NRIP1: variants seen among roughly 807,000 people sequenced by gnomAD.
The protein encoded by NRIP1 is nuclear receptor interacting protein 1, also known as nuclear receptor-interacting protein 1.
Under a neutral mutation model 75.0 loss-of-function variants are expected in NRIP1, and 28 were observed. The observed-to-expected ratio is 0.37, with a 90% CI of 0.28 to 0.51. NRIP1 has a LOEUF of 0.51. Ranked by LOEUF, NRIP1 falls within the 20% of genes least tolerant of loss-of-function variation. NRIP1 has a pLI of 0.92. For synonymous variants in NRIP1, 526 were observed against 487.6 expected, an observed-to-expected ratio of 1.08 and a Z score of -1.04; for missense variants, 1,435 against 1,343.7, an observed-to-expected ratio of 1.07 and a Z score of -1.06.
intron 3 of NRIP1, among the ~76,000 whole-genome samples, chr21:15,005,999 C>T (rs2087963209): frequency 6.6e-6 from 1 of 151,864 alleles, no homozygotes; most frequent in African/African-American, 2.4e-5. Context: ...ATATTTCCAT[C>T]AATATTTATC....
intron 3 of NRIP1, among the ~76,000 whole-genome samples, chr21:15,013,212 A>G (rs2088151593): frequency 6.6e-6 from 1 of 152,244 alleles, no homozygotes; most frequent in African/African-American, 2.4e-5. Flanking sequence ...CCAAATAATT[A>G]TTAGTAATTT....
intron 3 of NRIP1, chr21:14,971,604 T>C (rs529378053): frequency 6.6e-6 from 1 of 150,790 alleles, no homozygotes; most frequent in Admixed American, 6.6e-5. Context: ...AGAACATCTC[T>C]AATAATAAAA....
intron 3 of NRIP1, among the ~76,000 whole-genome samples, chr21:14,996,321 C>G (rs2087722397): frequency 6.6e-6 from 1 of 152,116 alleles, no homozygotes. Context: ...GACAGTACAG[C>G]TCTCCAGCTA....
At chr21:15,063,627 T>C (rs147366206) in intron 1 of NRIP1, among the ~76,000 whole-genome samples, 133 of 152,316 alleles carry the variant, frequency 8.7e-4, no homozygotes, top group African/African-American at 2.9e-3. Context: ...CACCTACAGA[T>C]GGCTTCTCTT....
At chr21:14,996,696 G>A (rs1337556057) in intron 3 of NRIP1, among the ~76,000 whole-genome samples, 1 of 151,910 alleles carries the variant, frequency 6.6e-6, no homozygotes, top group Non-Finnish European at 1.5e-5. Context: ...CTTTTATTCT[G>A]TTCACCATGG....
chr21:15,055,822 T>G (rs968173609), intron 1 of NRIP1, among the ~76,000 whole-genome samples: 10 of 152,116 alleles, frequency 6.6e-5, no homozygotes, highest in Non-Finnish European at 1.5e-4. Flanking sequence ...AATTTCTTCC[T>G]CCGTAAAATG....
chr21:14,994,735 C>A (rs2087673694), intron 3 of NRIP1, among the ~76,000 whole-genome samples: 1 of 152,060 alleles, frequency 6.6e-6, no homozygotes, highest in Non-Finnish European at 1.5e-5. Context: ...AGAGAACCAG[C>A]CTTAAAGTCA....
intron 3 of NRIP1, among the ~76,000 whole-genome samples, chr21:14,985,083 G>A (rs2087357538): frequency 1.3e-5 from 2 of 152,198 alleles, no homozygotes; most frequent in South Asian, 2.1e-4. Context: ...GTATGCTTGT[G>A]TTTTGGTTCG....
rs2229743 is a variant in NRIP1, at chr21:14,967,495, G to C, written c.698C>G (p.Pro233Arg). The change falls in exon 4 of 4, where the codon CCG (proline) becomes CGG (arginine). Residue 233 changes from proline (P) to arginine (R), a missense_variant. Physicochemically the swap from Pro to Arg is moderately radical, Grantham distance 103 (BLOSUM62 -2). Coordinates refer to ENST00000318948, the MANE Select transcript of NRIP1 (RefSeq NM_003489.4). ...GQSGTKVMSEPLSCAARLQAV... is the reference protein window; with the variant it reads ...GQSGTKVMSERLSCAARLQAV... ...CTGTAATCTTGCAGCACATGACAAC[G>C]GTTCACTCATGACCTTTGTTCCACT... 2 of 1,613,950 alleles carry C rather than the reference G, an allele frequency of 1.2e-6. No homozygotes were observed. The highest frequency in any genetic ancestry group is 2.7e-5 in the African/African-American group (2 of 74,898).
intron 3 of NRIP1, chr21:14,974,250 C>T (rs2086987527): frequency 6.6e-6 from 1 of 152,086 alleles, no homozygotes; most frequent in South Asian, 2.1e-4. Context: ...CGCTTTGAAA[C>T]TGACAGCTCA....
intron 3 of NRIP1, among the ~76,000 whole-genome samples, chr21:14,976,777 A>G (rs1407223546): frequency 6.6e-6 from 1 of 152,206 alleles, no homozygotes; most frequent in Non-Finnish European, 1.5e-5. Flanking sequence ...ATAGAGAAAT[A>G]ATGACAACGG....
chr21:15,032,496 C>G, intron 2 of NRIP1, among the ~76,000 whole-genome samples: 1 of 148,614 alleles, frequency 6.7e-6, no homozygotes, highest in African/African-American at 2.5e-5. Flanking sequence ...AATGATGGCT[C>G]TAAAAAAAAA....
At position 14,965,390 on chromosome 21, in the gene NRIP1, C is replaced by T. The variant is rs2086704542; in HGVS notation, c.2803G>A (p.Val935Ile). Residue 935 changes from valine (V) to isoleucine (I), a missense_variant, in exon 4 of 4, where the codon GTT (valine) becomes ATT (isoleucine). Transcript: ENST00000318948. ...TCTGAGAGAAGCAGCTGTTTCAGAACATTAAAGCTTTTGCTCTCTCTGGCC... is the reference window on the plus strand; with the variant it reads ...TCTGAGAGAAGCAGCTGTTTCAGAATATTAAAGCTTTTGCTCTCTCTGGCC... ...SWARESKSFN[V>I]LKQLLLSENC... is the part of the protein sequence containing the mutation. 5 of 1,613,898 alleles carry T rather than the reference C, an allele frequency of 3.1e-6. No homozygotes were observed. Among genetic ancestry groups the T allele is most frequent in the South Asian group, 1.1e-5 (1 of 91,080 alleles).
rs759330323 is a variant in NRIP1, at chr21:14,966,330, G to A, written c.1863C>T (p.Asn621=). The change falls in exon 4 of 4, where the codon AAC becomes AAT. Residue 621 remains asparagine (N), a synonymous_variant. Transcript: ENST00000318948. ...GCTTACTGGCACTAAACGTTGCAGA[G>A]TTCTGTGCACCTTCATTTTGGGCTG... ...EKPAQNEGAQ[N]SATFSASKLL... 6.2e-7 allele frequency: 1 copy of A among 1,614,092 alleles called. No individual in the cohort carries two copies. Among genetic ancestry groups the A allele is most frequent in the Non-Finnish European group, 8.5e-7 (1 of 1,179,970 alleles).
At chr21:15,028,837 T>C (rs942390496) in intron 2 of NRIP1, among the ~76,000 whole-genome samples, 3 of 152,174 alleles carry the variant, frequency 2.0e-5, no homozygotes, top group Non-Finnish European at 4.4e-5. Flanking sequence ...AAAATATACA[T>C]TGGTCCAAAA....
chr21:14,994,878 ACAAGTT>A, intron 3 of NRIP1, among the ~76,000 whole-genome samples: 1 of 152,234 alleles, frequency 6.6e-6, no homozygotes, highest in African/African-American at 2.4e-5. Context: ...TAAGTACTCA[ACAAGTT>A]CAAGTATTCT....
chr21:15,048,864 A>T (rs2089143392), intron 1 of NRIP1, among the ~76,000 whole-genome samples: 1 of 152,234 alleles, frequency 6.6e-6, no homozygotes, highest in Admixed American at 6.5e-5. Flanking sequence ...ATCCACTTAG[A>T]CAGTGTGGCA....
chr21:15,047,397 A>G (rs779200811), intron 1 of NRIP1, among the ~76,000 whole-genome samples: 152 of 152,228 alleles, frequency 1.0e-3, no homozygotes, highest in Non-Finnish European at 5.4e-4. Flanking sequence ...AAAATTAGCC[A>G]GGCGTGGTGG....
At position 14,966,161 on chromosome 21, in the gene NRIP1, TTTTA is replaced by T. The variant is rs769538756; in HGVS notation, c.2028_2031del (p.Asn676LysfsTer27). On this transcript the variant is annotated frameshift_variant, in exon 4 of 4. Coordinates refer to ENST00000318948, the MANE Select transcript of NRIP1 (RefSeq NM_003489.4). LOFTEE classifies it high-confidence loss of function. ...GCTTTATTTTCTTCAACTGCATTTG[TTTTA>T]TTTGAGAGCAAAGGGCTATTTAATC... 1.2e-6 allele frequency: 2 copies of T among 1,613,520 alleles called. No homozygotes were observed. Among genetic ancestry groups the T allele is most frequent in the Non-Finnish European group, 1.7e-6 (2 of 1,179,914 alleles).
Sources: gnomAD v4.1 joint callset for allele counts (sites outside exome capture counted in the v4.1 genomes callset) on GRCh38, gnomAD v4.1.1 for gene constraint, MANE v1.5 for transcripts, NCBI Gene and HGNC (gene_info 2026-07-23, HGNC 2026-07-21) for gene names.